The following TMEM132D variants were observed in gnomAD, a reference collection of about 807,000 sequenced individuals.
The protein encoded by TMEM132D is mature OL transmembrane protein.
TMEM132D carries 21 observed loss-of-function variants against 62.3 expected under a neutral mutation model. That is an observed-to-expected ratio of 0.34 (90% CI 0.24 to 0.49). TMEM132D has a LOEUF of 0.49. Among genes scored for constraint, TMEM132D ranks in the 20% least tolerant of loss-of-function variants. TMEM132D has a pLI of 0.99. For missense variants in TMEM132D, 1,346 were observed against 1,402.8 expected (o/e 0.96, Z 0.65); for synonymous variants, 621 against 575.6 (o/e 1.08, Z -1.13).
chr12:129,548,703 C>T (rs937916144), intron 2 of TMEM132D, among the ~76,000 whole-genome samples: 13 of 52,568 alleles, frequency 2.5e-4, no homozygotes, highest in African/African-American at 9.1e-4. Flanking sequence ...TGTGACCTCA[C>T]CTAACATCAA....
At chr12:129,153,249 C>T (rs1205234681) in intron 5 of TMEM132D, among the ~76,000 whole-genome samples, 5 of 152,084 alleles carry the variant, frequency 3.3e-5, no homozygotes, top group South Asian at 4.1e-4. Context: ...GAGTCAGCCG[C>T]GATAGAATGC....
intron 2 of TMEM132D, among the ~76,000 whole-genome samples, chr12:129,643,646 C>G (rs1169931484): frequency 1.3e-5 from 2 of 152,110 alleles, no homozygotes; most frequent in Non-Finnish European, 2.9e-5. Context: ...TGAGGGGAAA[C>G]CTGCCCCATT....
chr12:129,416,890 A>G (rs1872138228), intron 3 of TMEM132D, among the ~76,000 whole-genome samples: 1 of 152,170 alleles, frequency 6.6e-6, no homozygotes, highest in Non-Finnish European at 1.5e-5. Context: ...CCAGGGGTGA[A>G]GCCAACTTGG....
intron 2 of TMEM132D, among the ~76,000 whole-genome samples, chr12:129,536,151 A>G (rs1876380953): frequency 1.3e-5 from 2 of 152,182 alleles, no homozygotes; most frequent in Non-Finnish European, 2.9e-5. Context: ...ATGTGGCCAC[A>G]TAGTCTCTGC....
At chr12:129,653,245 A>C (rs1879978635) in intron 2 of TMEM132D, among the ~76,000 whole-genome samples, 1 of 152,168 alleles carries the variant, frequency 6.6e-6, no homozygotes, top group Non-Finnish European at 1.5e-5. Flanking sequence ...AGAACGGCTC[A>C]AATGAAGTCT....
chr12:129,209,529 G>C lies in TMEM132D; in HGVS notation c.1434C>G (p.Asp478Glu). 1.3e-6 allele frequency: 2 copies of C among 1,593,068 alleles called. No homozygotes were observed. The highest frequency in any genetic ancestry group is 1.7e-6 in the Non-Finnish European group (2 of 1,171,386). ...GGAGGTGTCAACTTGCCTTAATCAC[G>C]TCTTCATCAGACGATCTACACTCCA... ...ESVECRSSDE[D>E]VIKVSDRCDY... Residue 478 changes from aspartate to glutamate, a missense_variant, in exon 5 of 9, where the codon GAC (aspartate) becomes GAG (glutamate). Coordinates refer to ENST00000422113, the MANE Select transcript of TMEM132D (RefSeq NM_133448.3).
At chr12:129,796,406 C>A (rs1025206535) in intron 1 of TMEM132D, among the ~76,000 whole-genome samples, 1 of 152,126 alleles carries the variant, frequency 6.6e-6, no homozygotes, top group African/African-American at 2.4e-5. Flanking sequence ...CTTTTCTAAT[C>A]TAATCCTGCT....
chr12:129,787,413 A>G (rs987266204), intron 1 of TMEM132D, among the ~76,000 whole-genome samples: 2 of 152,168 alleles, frequency 1.3e-5, no homozygotes, highest in South Asian at 4.1e-4. Flanking sequence ...GACCCTGAGG[A>G]TATTTTATCT....
chr12:129,628,225 T>G (rs191522462), intron 2 of TMEM132D, among the ~76,000 whole-genome samples: 1 of 152,296 alleles, frequency 6.6e-6, no homozygotes, highest in East Asian at 1.9e-4. Context: ...GATCATGACT[T>G]TAGAATGTGT....
chr12:129,399,880 C>CGT (rs142546414), intron 3 of TMEM132D, among the ~76,000 whole-genome samples: 48 of 148,024 alleles, frequency 3.2e-4, no homozygotes, highest in East Asian at 5.9e-4. Context: ...TGTGTGTGTG[C>CGT]GTGTGTGTGT....
At chr12:129,563,714 G>T (rs1309344196) in intron 2 of TMEM132D, among the ~76,000 whole-genome samples, 1 of 152,120 alleles carries the variant, frequency 6.6e-6, no homozygotes, top group Admixed American at 6.6e-5. Flanking sequence ...GGGATTGTGG[G>T]GAAGACAAGA....
At chr12:129,156,122 T>A (rs531186042) in intron 5 of TMEM132D, among the ~76,000 whole-genome samples, 1 of 151,848 alleles carries the variant, frequency 6.6e-6, no homozygotes, top group South Asian at 2.1e-4. Flanking sequence ...ACTCCCACGA[T>A]AACCAACTCA....
chr12:129,900,985 AT>A (rs1238493535), intron 1 of TMEM132D, among the ~76,000 whole-genome samples: 3 of 152,258 alleles, frequency 2.0e-5, no homozygotes, highest in Non-Finnish European at 4.4e-5. Flanking sequence ...TGCTTATGAA[AT>A]ATAAACGTGT....
At chr12:129,216,935 G>A (rs141415361) in intron 4 of TMEM132D, among the ~76,000 whole-genome samples, 20 of 152,282 alleles carry the variant, frequency 1.3e-4, no homozygotes, top group Admixed American at 3.9e-4. Context: ...AAGCCAAAAC[G>A]AGTAAGTTAA....
At chr12:129,601,603 C>A (rs1378196266) in intron 2 of TMEM132D, among the ~76,000 whole-genome samples, 2 of 152,102 alleles carry the variant, frequency 1.3e-5, no homozygotes, top group Non-Finnish European at 2.9e-5. Context: ...ACTTAGAGAC[C>A]ATTGTAGGGT....
intron 4 of TMEM132D, among the ~76,000 whole-genome samples, chr12:129,270,988 C>T (rs1235020221): frequency 1.3e-5 from 2 of 152,144 alleles, no homozygotes; most frequent in African/African-American, 4.8e-5. Flanking sequence ...GTGGTTGCAC[C>T]CTGTGACGGC....
chr12:129,583,354 C>T (rs1877932692), intron 2 of TMEM132D, among the ~76,000 whole-genome samples: 1 of 152,072 alleles, frequency 6.6e-6, no homozygotes, highest in African/African-American at 2.4e-5. Flanking sequence ...GTGAGGATTT[C>T]ACTAAGGAAT....
chr12:129,454,286 G>A (rs917918035), intron 3 of TMEM132D, among the ~76,000 whole-genome samples: 2 of 152,166 alleles, frequency 1.3e-5, no homozygotes, highest in Non-Finnish European at 2.9e-5. Context: ...TTGGTGTAAG[G>A]CACTCCTCTC....
chr12:129,430,093 T>C (rs1872611998), intron 3 of TMEM132D, among the ~76,000 whole-genome samples: 1 of 152,178 alleles, frequency 6.6e-6, no homozygotes, highest in Non-Finnish European at 1.5e-5. Context: ...TTTGGGTATA[T>C]ACCCAGTAAT....
Sources: allele counts gnomAD v4.1 joint callset (sites outside exome capture counted in the v4.1 genomes callset), GRCh38; gene constraint gnomAD v4.1.1; transcripts MANE v1.5; gene names NCBI Gene and HGNC (gene_info 2026-07-23, HGNC 2026-07-21).